The following SPECC1 variants were observed in gnomAD, a reference collection of about 807,000 sequenced individuals.
SPECC1 encodes cytospin-B.
A neutral mutation model predicts 104.1 loss-of-function variants in SPECC1; 62 were observed. That is an observed-to-expected ratio of 0.60 (90% CI 0.49 to 0.74). The LOEUF (loss-of-function observed/expected upper bound fraction) is 0.74. SPECC1 is among the 30% of genes least tolerant of loss of function. The probability of loss-of-function intolerance (pLI) is 0.00; values close to 1 mark genes in which losing one functional copy is unlikely to be tolerated. For synonymous variants in SPECC1, 513 were observed against 501.6 expected, an observed-to-expected ratio of 1.02 and a Z score of -0.30; for missense variants, 1,306 against 1,310.5, an observed-to-expected ratio of 1.00 and a Z score of 0.05.
intron 3 of SPECC1, among the ~76,000 whole-genome samples, chr17:20,129,528 T>G (rs1276862142): frequency 6.6e-6 from 1 of 152,006 alleles, no homozygotes; most frequent in Admixed American, 6.6e-5. Context: ...TGTGAGTTCT[T>G]TATATGTACT....
At chr17:20,214,174 C>A (rs1218364113) in intron 4 of SPECC1, among the ~76,000 whole-genome samples, 1 of 152,208 alleles carries the variant, frequency 6.6e-6, no homozygotes, top group African/African-American at 2.4e-5. Flanking sequence ...CTTTAGCCTC[C>A]CAGAGTGCTG....
At chr17:20,026,005 ATATAGTC>A (rs1175481887) in intron 1 of SPECC1, among the ~76,000 whole-genome samples, 1 of 151,922 alleles carries the variant, frequency 6.6e-6, no homozygotes, top group Non-Finnish European at 1.5e-5. Context: ...GGCCAATTGT[ATATAGTC>A]TTTAGATAAG....
intron 3 of SPECC1, among the ~76,000 whole-genome samples, chr17:20,160,662 A>G (rs781262665): frequency 5.9e-5 from 9 of 152,108 alleles, no homozygotes; most frequent in Non-Finnish European, 1.3e-4. Context: ...CTTTATTTGT[A>G]CATCTCTATA....
intron 1 of SPECC1, among the ~76,000 whole-genome samples, chr17:20,064,291 C>T (rs755548796): frequency 1.9e-4 from 29 of 152,284 alleles, no homozygotes; most frequent in African/African-American, 6.5e-4. Context: ...AGAGAACGGG[C>T]ACACCACCAA....
chr17:20,071,439 T>C (rs2046550401), intron 1 of SPECC1, among the ~76,000 whole-genome samples: 1 of 152,154 alleles, frequency 6.6e-6, no homozygotes, highest in Non-Finnish European at 1.5e-5. Flanking sequence ...AGTTACTTGA[T>C]AGCTTCTGTA....
intron 4 of SPECC1, among the ~76,000 whole-genome samples, chr17:20,210,507 GT>G (rs1385839264): frequency 7.2e-5 from 11 of 152,354 alleles, no homozygotes; most frequent in Middle Eastern, 3.4e-3. Context: ...TGGGGAGAGG[GT>G]TTCCCAGAGC....
At chr17:20,018,631 C>T (rs1355600811) in intron 1 of SPECC1, among the ~76,000 whole-genome samples, 5 of 152,194 alleles carry the variant, frequency 3.3e-5, no homozygotes, top group Admixed American at 2.0e-4. Context: ...ACTTGGAAGA[C>T]TCAGCATGTG....
At position 20,230,340 on chromosome 17, in the gene SPECC1, C is replaced by T. The variant is rs140820856; in HGVS notation, c.2072-1418C>T. Among the ~76,000 whole-genome samples the T allele has an allele frequency of 5.3e-3, 813 of 152,240 alleles. 8 individuals are homozygous for T. The highest frequency in any genetic ancestry group is 6.8e-3 in the Non-Finnish European group (464 of 68,028). On this transcript the variant is annotated intron_variant, in intron 5 of 14. Transcript: ENST00000395527. ...TAGAGTGACAGTTGACAGCACCTGCCCCATTTCTCCTTGAACATGACATGT... is the reference window on the plus strand; with the variant it reads ...TAGAGTGACAGTTGACAGCACCTGCTCCATTTCTCCTTGAACATGACATGT...
Position 20,204,594 on chromosome 17 carries a change from G to A in SPECC1, c.545G>A (p.Ser182Asn). 3 of 1,614,218 alleles carry A rather than the reference G, an allele frequency of 1.9e-6. No individual in the cohort carries two copies. The highest frequency in any genetic ancestry group is 2.5e-6 in the Non-Finnish European group (3 of 1,180,040). Reference protein sequence around the residue: ...ELLAEAKAKDSEINRLRSELK... With the variant: ...ELLAEAKAKDNEINRLRSELK... The stretch of plus-strand genomic sequence containing the variant: ...TTGGCAGAAGCCAAAGCAAAAGATA[G>A]TGAAATTAACAGGCTTCGAAGTGAA... The change falls in exon 4 of 15, where the codon AGT becomes AAT. Residue 182 changes from serine (S) to asparagine (N), a missense_variant. By Grantham distance (46) the Ser-to-Asn change is conservative. This residue lies in a region of SPECC1 where 1,177 missense variants were observed against 1,139.9 expected (regional missense o/e 1.03). Transcript: ENST00000395527.
At chr17:20,291,195 C>A (rs1217625493) in intron 12 of SPECC1, among the ~76,000 whole-genome samples, 1 of 152,172 alleles carries the variant, frequency 6.6e-6, no homozygotes, top group African/African-American at 2.4e-5. Flanking sequence ...GTTCTAGTTT[C>A]TTTAACTGAC....
At chr17:20,253,423 C>G in intron 9 of SPECC1, 82 bp from the exon 10 acceptor site, 2 of 1,343,680 alleles carry the variant, frequency 1.5e-6, no homozygotes, top group Non-Finnish European at 2.1e-6. Context: ...TGCACACACA[C>G]GCATGCACAC....
At chr17:20,306,185 C>T (rs1469582307) in intron 14 of SPECC1, 103 bp downstream of exon 14, 10 of 1,112,258 alleles carry the variant, frequency 9.0e-6, no homozygotes, top group South Asian at 4.1e-5. Flanking sequence ...ATCTGTTTGC[C>T]GAAAGTCTGT....
At chr17:20,150,866 G>A (rs1197692860) in intron 3 of SPECC1, among the ~76,000 whole-genome samples, 1 of 151,924 alleles carries the variant, frequency 6.6e-6, no homozygotes, top group Non-Finnish European at 1.5e-5. Context: ...CTAATAATTT[G>A]CTATATACAT....
chr17:20,149,203 CG>C (rs1567878135), intron 3 of SPECC1, among the ~76,000 whole-genome samples: 1 of 152,088 alleles, frequency 6.6e-6, no homozygotes, highest in East Asian at 1.9e-4. Context: ...AAGGAGGCAA[CG>C]TGCAGTTGTT....
At chr17:20,180,391 A>G (rs1443826157) in intron 3 of SPECC1, among the ~76,000 whole-genome samples, 2 of 152,250 alleles carry the variant, frequency 1.3e-5, no homozygotes, top group African/African-American at 2.4e-5. Flanking sequence ...AACAGGACTA[A>G]GAGGTACTAT....
At chr17:20,224,132 C>G (rs1442069450) in intron 4 of SPECC1, among the ~76,000 whole-genome samples, 1 of 152,204 alleles carries the variant, frequency 6.6e-6, no homozygotes, top group Non-Finnish European at 1.5e-5. Context: ...TAGATAAGAT[C>G]TAGGAGAATT....
rs762643888 is a variant in SPECC1, at chr17:20,317,259, ATTTTTTTTT to A, written c.*3207_*3215del. The A allele has an allele frequency of 2.9e-5, 2 of 69,508 alleles. No individual in the cohort carries two copies. The highest frequency in any genetic ancestry group is 1.6e-4 in the African/African-American group (2 of 12,860). The allele number at this position is 69,508 out of a possible 1,614,324, so 4.3% of individuals were successfully genotyped here. ...GCAAGACCTCTGACTCTATAAAAAA[ATTTTTTTTT>A]TTTTTTTTTTTTGAGAGAGCGTCTC... is the stretch of plus-strand genomic sequence containing the variant. On this transcript the variant is annotated 3_prime_UTR_variant, in exon 15 of 15. Coordinates refer to ENST00000395527, the MANE Select transcript of SPECC1 (RefSeq NM_001243439.2).
intron 1 of SPECC1, among the ~76,000 whole-genome samples, chr17:20,025,575 G>A (rs1187624071): frequency 2.0e-5 from 3 of 152,184 alleles, no homozygotes; most frequent in East Asian, 1.9e-4. Flanking sequence ...ATATTCTAGT[G>A]TATGGATAAT....
At chr17:20,159,721 T>C (rs115698778) in intron 3 of SPECC1, among the ~76,000 whole-genome samples, 152 of 152,350 alleles carry the variant, frequency 1.0e-3, no homozygotes, top group African/African-American at 3.2e-3. Context: ...GTAAAAGATA[T>C]GAAAATTTCA....
Sources: allele counts gnomAD v4.1 joint callset (sites outside exome capture counted in the v4.1 genomes callset), GRCh38; gene constraint gnomAD v4.1.1; regional missense constraint gnomAD v4.1.1; transcripts MANE v1.5; gene names NCBI Gene and HGNC (gene_info 2026-07-23, HGNC 2026-07-21).